The following PRDX3 variants were observed in gnomAD, a reference collection of about 807,000 sequenced individuals.
PRDX3 encodes peroxiredoxin 3, also known as thioredoxin-dependent peroxide reductase, mitochondrial.
PRDX3 carries 20 observed loss-of-function variants against 30.4 expected under a neutral mutation model. The ratio of observed to expected loss-of-function variants is 0.66; its 90% confidence interval spans 0.46 to 0.96. The LOEUF is 0.96. PRDX3 is among the 40% of genes least tolerant of loss of function. PRDX3 has a pLI of 0.00. For missense variants in PRDX3, 322 were observed against 318.3 expected (o/e 1.01, Z -0.09); for synonymous variants, 124 against 117.8 (o/e 1.05, Z -0.34).
chr10:119,174,942 A>C (rs1258059561), intron 2 of PRDX3, among the ~76,000 whole-genome samples: 1 of 1,358 alleles, frequency 7.4e-4, no homozygotes, highest in Non-Finnish European at 0.014. Flanking sequence ...AGGGAATGAC[A>C]AGAAAAAAAG....
At position 119,174,607 on chromosome 10, in the gene PRDX3, A is replaced by G. The variant is rs770703930; in HGVS notation, c.170-15T>C. ...GCATGAGGAACCTGAAAAAAAACCC[A>G]CACTCATATGGAGTTCATCATTTGC... is the stretch of plus-strand genomic sequence containing the variant. On this transcript the variant is annotated splice_polypyrimidine_tract_variant and intron_variant, in intron 2 of 6. Coordinates refer to ENST00000298510, the MANE Select transcript of PRDX3 (RefSeq NM_006793.5). The G allele has an allele frequency of 1.3e-6, 2 of 1,577,510 alleles. No individual in the cohort carries two copies. Among genetic ancestry groups the G allele is most frequent in the South Asian group, 2.4e-5 (2 of 84,518 alleles).
At chr10:119,173,587 C>T in intron 4 of PRDX3, 150 bp downstream of exon 4, 4 of 876,404 alleles carry the variant, frequency 4.6e-6, no homozygotes, top group Non-Finnish European at 6.7e-6. Context: ...CCAGCCTGGG[C>T]AACAAGAGTG....
In PRDX3 at chr10:119,171,166, G is replaced by A. The variant is rs1245179358; in HGVS notation, c.551+1216C>T. Among the ~76,000 whole-genome samples the A allele has an allele frequency of 5.3e-5, 8 of 151,842 alleles. No homozygotes were observed. The East Asian group carries it at 1.4e-3, about 26-fold the overall frequency. ...CGCCATTCTCCTGCCTCAGCCTCCC[G>A]AGTAGCTGGGACTACAGGCGCCCAC... On this transcript the variant is annotated intron_variant, in intron 5 of 6. Coordinates refer to ENST00000298510, the MANE Select transcript of PRDX3 (RefSeq NM_006793.5).
intron 3 of PRDX3, 120 bp downstream of exon 3, chr10:119,174,331 A>G (rs771850963): frequency 8.0e-7 from 1 of 1,248,532 alleles, no homozygotes; most frequent in Non-Finnish European, 1.1e-6. Context: ...CATCAGTGAT[A>G]AAGGGTCAGA....
intron 5 of PRDX3, 39 bp downstream of exon 5, chr10:119,172,343 T>C (rs1179984120): frequency 1.3e-6 from 2 of 1,500,586 alleles, no homozygotes; most frequent in East Asian, 2.3e-5. Context: ...ATACTAAACA[T>C]GAAAAATAAT....
chr10:119,171,977 T>G (rs1268704469), intron 5 of PRDX3, among the ~76,000 whole-genome samples: 1 of 152,188 alleles, frequency 6.6e-6, no homozygotes, highest in Non-Finnish European at 1.5e-5. Flanking sequence ...TGGAGCAGTG[T>G]GGCCTCAAGA....
chr10:119,169,124 C>T (rs1847840319), intron 6 of PRDX3, 53 bp downstream of exon 6: 2 of 1,585,582 alleles, frequency 1.3e-6, no homozygotes, highest in Non-Finnish European at 1.7e-6. Context: ...AGGTCAATAG[C>T]TCTCGAGGCT....
intron 4 of PRDX3, 29 bp downstream of exon 4, chr10:119,173,708 G>A: frequency 6.2e-7 from 1 of 1,603,422 alleles, no homozygotes; most frequent in Non-Finnish European, 8.5e-7. Flanking sequence ...AAGTTTATAA[G>A]AGCAAAAGCT....
rs1589664704 is a variant in PRDX3 at position 119,174,759 on chromosome 10, G to A, written c.170-167C>T. ...GCACAGTCATCCTTTGCCACCTGTG[G>A]GGGGATTGGTTCTAGGATATCGAAA... On this transcript the variant is annotated intron_variant, in intron 2 of 6. Transcript: ENST00000298510. 13 of 620,940 alleles carry A rather than the reference G, an allele frequency of 2.1e-5. No individual in the cohort carries two copies. In the East Asian group the frequency reaches 3.7e-4, roughly 18 times the overall value. The allele number at this position is 620,940 out of a possible 1,614,324, so 38.5% of individuals were successfully genotyped here.
intron 3 of PRDX3, 73 bp from the exon 4 acceptor site, chr10:119,173,945 C>T (rs180976868): frequency 6.7e-7 from 1 of 1,493,214 alleles, no homozygotes; most frequent in East Asian, 2.3e-5. Flanking sequence ...GGTCTAACAA[C>T]TAGTTCAACT....
intron 4 of PRDX3, among the ~76,000 whole-genome samples, chr10:119,172,828 C>T (rs1159442848): frequency 1.3e-5 from 2 of 152,164 alleles, no homozygotes; most frequent in Non-Finnish European, 2.9e-5. Context: ...TGCAGTGATG[C>T]AATCACAGCT....
At chr10:119,173,360 G>A (rs1479451119) in intron 4 of PRDX3, among the ~76,000 whole-genome samples, 1 of 151,860 alleles carries the variant, frequency 6.6e-6, no homozygotes, top group Admixed American at 6.6e-5. Flanking sequence ...CTGTAATTCC[G>A]GCACTTTGGG....
At chr10:119,170,886 C>T (rs1847888935) in intron 5 of PRDX3, 1 of 146,776 alleles carries the variant, frequency 6.8e-6, no homozygotes, top group African/African-American at 2.5e-5. Context: ...TAAAGCAAGA[C>T]ACCGTCTCGA....
intron 5 of PRDX3, among the ~76,000 whole-genome samples, chr10:119,171,183 G>C (rs886588777): frequency 6.6e-5 from 10 of 152,040 alleles, no homozygotes; most frequent in African/African-American, 2.2e-4. Context: ...TGGGACTACA[G>C]GCGCCCACCA....
chr10:119,174,067 A>G (rs1204830670), intron 3 of PRDX3, among the ~76,000 whole-genome samples, 195 bp from the exon 4 acceptor site: 2 of 152,254 alleles, frequency 1.3e-5, no homozygotes, highest in Admixed American at 1.3e-4. Flanking sequence ...AATTGTATCA[A>G]AAAATGGGGA....
intron 5 of PRDX3, chr10:119,169,827 G>T (rs182317781): frequency 2.7e-4 from 42 of 154,054 alleles, no homozygotes; most frequent in African/African-American, 8.2e-4. Flanking sequence ...TAGAAAGAAT[G>T]TACAGGCTCT....
At chr10:119,172,524 C>A (rs1484301789) in intron 4 of PRDX3, 39 bp from the exon 5 acceptor site, 2 of 1,519,430 alleles carry the variant, frequency 1.3e-6, no homozygotes, top group Non-Finnish European at 1.8e-6. Flanking sequence ...AATGTGTGGC[C>A]TCACAACATT....
rs368626890 is a variant in PRDX3 at position 119,178,779 on chromosome 10, A to T, written c.12T>A (p.Ala4=). The change falls in exon 1 of 7, where the codon GCT becomes GCA. Residue 4 remains alanine (A), a synonymous_variant. Coordinates refer to ENST00000298510, the MANE Select transcript of PRDX3 (RefSeq NM_006793.5). MAA[A]VGRLLRASVA... is the part of the protein sequence containing the mutation. ...CCGACGCTCGGAGCAACCGTCCTACAGCAGCCGCCATCTTCAGTGCACTCG... is the reference window on the plus strand; with the variant it reads ...CCGACGCTCGGAGCAACCGTCCTACTGCAGCCGCCATCTTCAGTGCACTCG... 3.8e-5 allele frequency: 59 copies of T among 1,552,672 alleles called. No homozygotes were observed. In the Admixed American group the frequency reaches 1.1e-3, roughly 29 times the overall value.
intron 5 of PRDX3, chr10:119,170,056 T>G (rs1405315659): frequency 6.6e-6 from 1 of 152,268 alleles, no homozygotes; most frequent in Admixed American, 6.5e-5. Flanking sequence ...TCTTCTCAGG[T>G]GTGATCACAG....
Sources: allele counts gnomAD v4.1 joint callset (sites outside exome capture counted in the v4.1 genomes callset), GRCh38; gene constraint gnomAD v4.1.1; transcripts MANE v1.5; gene names NCBI Gene and HGNC (gene_info 2026-07-23, HGNC 2026-07-21).